The following RANBP2 variants were observed in gnomAD, a reference collection of about 807,000 sequenced individuals.
RANBP2 encodes the protein E3 SUMO-protein ligase RanBP2.
A neutral mutation model predicts 303.6 loss-of-function variants in RANBP2; 57 were observed. The ratio of observed to expected loss-of-function variants is 0.19; its 90% CI spans 0.15 to 0.23. The LOEUF is 0.23. Ranked by LOEUF, RANBP2 falls within the 10% of genes least tolerant of loss-of-function variation. The pLI is 1.00. For missense variants in RANBP2, 3,138 were observed against 3,780.8 expected (o/e 0.83, Z 4.46); for synonymous variants, 1,167 against 1,301.5 (o/e 0.90, Z 2.23).
At chr2:108,854,480 TTAGC>T in the RANBP2 span, among the ~76,000 whole-genome samples, 5 of 152,186 alleles carry the variant, frequency 3.3e-5, no homozygotes, top group African/African-American at 1.2e-4. Context: ...CATAAAGTCT[TTAGC>T]TACTATTGTT....
chr2:108,978,573 G>GT, the RANBP2 span, among the ~76,000 whole-genome samples: 40 of 151,676 alleles, frequency 2.6e-4, no homozygotes, highest in East Asian at 2.7e-3. Context: ...CCGAGGAAAA[G>GT]TTTTTTTTTC....
chr2:109,129,792 C>T, the RANBP2 span: 5 of 1,539,184 alleles, frequency 3.2e-6, no homozygotes, highest in African/African-American at 4.1e-5. Context: ...GCCTGGAGAG[C>T]ATCGTGTGCT....
the RANBP2 span, among the ~76,000 whole-genome samples, chr2:109,066,014 C>T: frequency 2.0e-5 from 3 of 151,966 alleles, no homozygotes; most frequent in African/African-American, 4.8e-5. Flanking sequence ...CTTGGCTCAC[C>T]GTAACCTCTG....
the RANBP2 span, chr2:109,760,359 G>T: frequency 5.3e-6 from 1 of 187,598 alleles, no homozygotes; most frequent in Non-Finnish European, 9.3e-6. Flanking sequence ...CGGCGGCGGC[G>T]GCGCAGGGCC....
the RANBP2 span, among the ~76,000 whole-genome samples, chr2:109,601,251 AC>A: frequency 6.6e-6 from 1 of 152,194 alleles, no homozygotes; most frequent in African/African-American, 2.4e-5. Flanking sequence ...TCCTTAAGCT[AC>A]CTAGGGGCTG....
the RANBP2 span, among the ~76,000 whole-genome samples, chr2:108,957,660 C>G: frequency 2.0e-5 from 3 of 152,224 alleles, no homozygotes; most frequent in Non-Finnish European, 4.4e-5. Flanking sequence ...TTGATGCGGC[C>G]TTACAAACTA....
At chr2:108,974,902 A>G in the RANBP2 span, among the ~76,000 whole-genome samples, 20 of 152,244 alleles carry the variant, frequency 1.3e-4, no homozygotes, top group African/African-American at 4.8e-4. Flanking sequence ...TGCATGCTGG[A>G]GCTCTAGCCT....
At chr2:109,070,872 A>C in the RANBP2 span, among the ~76,000 whole-genome samples, 8 of 151,772 alleles carry the variant, frequency 5.3e-5, no homozygotes, top group African/African-American at 1.9e-4. Flanking sequence ...AAAAAAAAAA[A>C]AAAATAGAGT....
the RANBP2 span, among the ~76,000 whole-genome samples, chr2:109,660,498 C>T: frequency 6.6e-6 from 1 of 152,192 alleles, no homozygotes; most frequent in African/African-American, 2.4e-5. Context: ...GCTCAAAACA[C>T]CAAGAACCTG....
the RANBP2 span, among the ~76,000 whole-genome samples, chr2:108,979,446 C>CTG: frequency 9.7e-5 from 7 of 71,910 alleles, no homozygotes; most frequent in African/African-American, 2.8e-4. Context: ...TTCTCTCTCT[C>CTG]TGTCTCTGTC....
chr2:109,211,153 T>C, the RANBP2 span, among the ~76,000 whole-genome samples: 1 of 152,062 alleles, frequency 6.6e-6, no homozygotes, highest in African/African-American at 2.4e-5. Flanking sequence ...TTAAGCACAA[T>C]TAAAGGAGAA....
the RANBP2 span, among the ~76,000 whole-genome samples, chr2:109,493,404 A>C: frequency 6.6e-6 from 1 of 151,530 alleles, no homozygotes; most frequent in African/African-American, 2.4e-5. Flanking sequence ...CACCACACAC[A>C]CCACACATAC....
chr2:109,163,586 A>G, the RANBP2 span, among the ~76,000 whole-genome samples: 1 of 150,926 alleles, frequency 6.6e-6, no homozygotes. Context: ...TTTTTAGTAG[A>G]GACGGGGTTT....
At chr2:109,473,630 G>C in the RANBP2 span, among the ~76,000 whole-genome samples, 1 of 152,184 alleles carries the variant, frequency 6.6e-6, no homozygotes, top group African/African-American at 2.4e-5. Context: ...CAAGGTTCAA[G>C]GGGGAGGGAT....
chr2:109,353,304 C>T, the RANBP2 span, among the ~76,000 whole-genome samples: 3 of 152,206 alleles, frequency 2.0e-5, no homozygotes, highest in African/African-American at 7.2e-5. Flanking sequence ...CCTTCCTTAG[C>T]CTGGGTGCCC....
the RANBP2 span, chr2:109,614,213 C>T: frequency 9.7e-7 from 1 of 1,033,908 alleles, no homozygotes; most frequent in Non-Finnish European, 1.2e-6. Flanking sequence ...AGTGGGCGGG[C>T]CTTGAGGCGA....
the RANBP2 span, among the ~76,000 whole-genome samples, chr2:108,816,814 A>G: frequency 4.6e-3 from 697 of 152,206 alleles, 4 homozygotes; most frequent in African/African-American, 0.016. Flanking sequence ...TTCCTGCCTC[A>G]TCCCTTTGAG....
the RANBP2 span, among the ~76,000 whole-genome samples, chr2:109,632,941 C>T: frequency 6.6e-6 from 1 of 152,168 alleles, no homozygotes; most frequent in African/African-American, 2.4e-5. Context: ...TACCAGTTAC[C>T]ACAAATGTGA....
chr2:108,945,035 T>C, the RANBP2 span, among the ~76,000 whole-genome samples: 1 of 152,202 alleles, frequency 6.6e-6, no homozygotes, highest in African/African-American at 2.4e-5. Context: ...TGCCCCCTGC[T>C]GTCTGGCTTG....
Sources: gnomAD v4.1 joint callset for allele counts (sites outside exome capture counted in the v4.1 genomes callset) on GRCh38, gnomAD v4.1.1 for gene constraint, MANE v1.5 for transcripts, NCBI Gene and HGNC (gene_info 2026-07-23, HGNC 2026-07-21) for gene names.